The following PLA2R1 variants were observed in gnomAD, a reference collection of about 807,000 sequenced individuals.
PLA2R1 encodes phospholipase A2 receptor 1.
Under a neutral mutation model 195.9 loss-of-function variants are expected in PLA2R1, and 158 were observed. The ratio of observed to expected loss-of-function variants is 0.81; its 90% CI spans 0.71 to 0.92. The LOEUF (loss-of-function observed/expected upper bound fraction) is 0.92. Ranked by LOEUF, PLA2R1 falls within the 40% of genes least tolerant of loss-of-function variation. The probability of loss-of-function intolerance (pLI) is 0.00; values close to 1 mark genes in which losing one functional copy is unlikely to be tolerated. For missense variants in PLA2R1, 1,626 were observed against 1,764.6 expected, an observed-to-expected ratio of 0.92 and a Z score of 1.41; for synonymous variants, 586 against 598.2, an observed-to-expected ratio of 0.98 and a Z score of 0.30.
chr2:159,945,033 C>G lies in PLA2R1; in HGVS notation c.4017G>C (p.Trp1339Cys). The G allele has an allele frequency of 6.2e-7, 1 of 1,613,690 alleles. No individual in the cohort carries two copies. Among genetic ancestry groups the G allele is most frequent in the Non-Finnish European group, 8.5e-7 (1 of 1,179,780 alleles). ...FDGTPTDQSN[W>C]GIRKPDTDYF... is the part of the protein sequence containing the mutation. The stretch of plus-strand genomic sequence containing the variant: ...AGTCTGTGTCTGGCTTCCGAATGCC[C>G]CAGTTTGACTGGTCTGTGGGAGTTC... The change falls in exon 28 of 30, where the codon TGG (tryptophan) becomes TGC (cysteine). Residue 1339 changes from tryptophan (W) to cysteine (C), a missense_variant. By Grantham distance (215) the Trp-to-Cys change is radical (BLOSUM62 -2). Transcript: ENST00000283243.
chr2:160,020,354 C>T lies in PLA2R1; in HGVS notation c.1295-91G>A. 3 of 741,838 alleles carry T rather than the reference C, an allele frequency of 4.0e-6. No homozygotes were observed. The South Asian group carries it at 5.6e-5, about 14-fold the overall frequency. The allele number at this position is 741,838 out of a possible 1,614,324, so 46.0% of individuals were successfully genotyped here. On this transcript the variant is annotated intron_variant, in intron 7 of 29. Coordinates refer to ENST00000283243, the MANE Select transcript of PLA2R1 (RefSeq NM_007366.5). ...GTTATTACTAAAATATACCACTTCA[C>T]ATGTGATTTCTTCTTTATTTCTTTG...
At chr2:160,037,903 T>A (rs1194922908) in intron 3 of PLA2R1, among the ~76,000 whole-genome samples, 1 of 152,256 alleles carries the variant, frequency 6.6e-6, no homozygotes, top group Non-Finnish European at 1.5e-5. Context: ...AATTTGGGTA[T>A]TATACTTGAA....
At chr2:160,043,195 G>A (rs1015962684) in intron 2 of PLA2R1, among the ~76,000 whole-genome samples, 1 of 152,062 alleles carries the variant, frequency 6.6e-6, no homozygotes, top group African/African-American at 2.4e-5. Context: ...AGTCTCTTGC[G>A]GGTTTTGAAT....
At chr2:160,026,280 T>C (rs1693519292) in intron 6 of PLA2R1, among the ~76,000 whole-genome samples, 2 of 152,244 alleles carry the variant, frequency 1.3e-5, no homozygotes, top group Non-Finnish European at 2.9e-5. Flanking sequence ...CTGCTCATTT[T>C]TGAAACCTTT....
chr2:159,942,065 G>A (rs1465053619), intron 29 of PLA2R1, 62 bp downstream of exon 29: 1 of 1,565,872 alleles, frequency 6.4e-7, no homozygotes, highest in Non-Finnish European at 8.8e-7. Context: ...CTGTCATACA[G>A]CTGCTTTCTA....
intron 11 of PLA2R1, among the ~76,000 whole-genome samples, chr2:159,993,410 T>C (rs1369977423): frequency 6.6e-6 from 1 of 151,160 alleles, no homozygotes; most frequent in African/African-American, 2.4e-5. Flanking sequence ...TAGTCCTGAA[T>C]TCAAATTGTA....
At chr2:160,048,353 T>C (rs1460971379) in intron 1 of PLA2R1, among the ~76,000 whole-genome samples, 1 of 152,208 alleles carries the variant, frequency 6.6e-6, no homozygotes, top group Non-Finnish European at 1.5e-5. Context: ...GAATGTGCCA[T>C]AGGCAAGTAG....
chr2:159,946,426 C>G (rs1176207577), intron 27 of PLA2R1: 1 of 991,772 alleles, frequency 1.0e-6, no homozygotes, highest in African/African-American at 1.7e-5. Flanking sequence ...CACAGTTCAT[C>G]ATGGAAACAT....
intron 12 of PLA2R1, among the ~76,000 whole-genome samples, chr2:159,985,432 C>A (rs1690257251): frequency 6.6e-6 from 1 of 152,136 alleles, no homozygotes; most frequent in South Asian, 2.1e-4. Context: ...TAAACCAAGA[C>A]AAAACCACCA....
chr2:159,976,808 G>T, intron 15 of PLA2R1, 88 bp from the exon 16 acceptor site: 1 of 963,238 alleles, frequency 1.0e-6, no homozygotes, highest in Non-Finnish European at 1.7e-6. Flanking sequence ...ACACTATTTT[G>T]TCCTTCATCT....
At chr2:160,036,749 C>T (rs6722275) in intron 3 of PLA2R1, among the ~76,000 whole-genome samples, 53,748 of 152,008 alleles carry the variant, frequency 0.35, 11,828 homozygotes, top group Non-Finnish European at 0.5. Context: ...TAGCTCTTCC[C>T]CTCACCTTAC....
chr2:160,055,897 C>T (rs1275681171), intron 1 of PLA2R1, among the ~76,000 whole-genome samples: 1 of 152,186 alleles, frequency 6.6e-6, no homozygotes. Flanking sequence ...CTCAGGGCTA[C>T]AGCTTCTCCC....
At chr2:160,002,939 G>T (rs1691702665) in intron 11 of PLA2R1, among the ~76,000 whole-genome samples, 1 of 152,066 alleles carries the variant, frequency 6.6e-6, no homozygotes, top group Middle Eastern at 3.4e-3. Flanking sequence ...AAGAATAATA[G>T]AAATTATATT....
At chr2:159,974,848 T>C (rs916922234) in intron 17 of PLA2R1, among the ~76,000 whole-genome samples, 6 of 152,180 alleles carry the variant, frequency 3.9e-5, no homozygotes, top group African/African-American at 1.4e-4. Context: ...ATGGGCTGTA[T>C]GTGCAACAGA....
chr2:160,059,839 G>C (rs1436398285), intron 1 of PLA2R1, among the ~76,000 whole-genome samples: 1 of 152,150 alleles, frequency 6.6e-6, no homozygotes, highest in Non-Finnish European at 1.5e-5. Context: ...AAACCCATCA[G>C]AGGTTGTGAG....
intron 10 of PLA2R1, among the ~76,000 whole-genome samples, chr2:160,012,864 A>C (rs1692459112): frequency 1.3e-5 from 2 of 152,148 alleles, no homozygotes; most frequent in African/African-American, 2.4e-5. Context: ...GTGAGCTGAG[A>C]CTGCACCACT....
intron 3 of PLA2R1, among the ~76,000 whole-genome samples, chr2:160,035,515 T>C (rs1313694229): frequency 1.3e-5 from 2 of 152,208 alleles, no homozygotes; most frequent in African/African-American, 4.8e-5. Flanking sequence ...TGTTTATTAT[T>C]CTTGAAAAAT....
intron 1 of PLA2R1, among the ~76,000 whole-genome samples, chr2:160,054,409 G>C (rs1450332809): frequency 1.3e-5 from 2 of 152,168 alleles, no homozygotes; most frequent in African/African-American, 4.8e-5. Context: ...CTTTGAATAT[G>C]AATGGTGCCA....
At chr2:160,045,233 T>C in intron 1 of PLA2R1, 76 bp from the exon 2 acceptor site, 2 of 1,177,426 alleles carry the variant, frequency 1.7e-6, no homozygotes, top group Middle Eastern at 2.0e-4. Flanking sequence ...TCAGTGTGCA[T>C]ATCTAAGTGC....
Sources: gnomAD v4.1 joint callset for allele counts (sites outside exome capture counted in the v4.1 genomes callset) on GRCh38, gnomAD v4.1.1 for gene constraint, MANE v1.5 for transcripts, NCBI Gene and HGNC (gene_info 2026-07-23, HGNC 2026-07-21) for gene names.